The following PEAK1 variants were observed in gnomAD, a reference collection of about 807,000 sequenced individuals.
PEAK1 encodes the protein inactive tyrosine-protein kinase PEAK1.
A neutral mutation model predicts 124.7 loss-of-function variants in PEAK1; 54 were observed. The observed-to-expected ratio is 0.43, with a 90% CI of 0.35 to 0.54. The LOEUF (loss-of-function observed/expected upper bound fraction) is 0.54. PEAK1 is among the 20% of genes least tolerant of loss of function. The pLI is 0.01. For synonymous variants in PEAK1, 719 were observed against 760.0 expected (o/e 0.95, Z 0.89); for missense variants, 2,046 against 2,134.5 (o/e 0.96, Z 0.82).
At chr15:77,269,107 A>G (rs367671718) in intron 5 of PEAK1, among the ~76,000 whole-genome samples, 72 of 141,080 alleles carry the variant, frequency 5.1e-4, no homozygotes, top group African/African-American at 1.8e-3. Flanking sequence ...CAACACAATG[A>G]AAAAAAAAAA....
intron 6 of PEAK1, among the ~76,000 whole-genome samples, chr15:77,182,987 T>C (rs867882933): frequency 6.6e-6 from 1 of 151,442 alleles, no homozygotes; most frequent in Non-Finnish European, 1.5e-5. Context: ...AGAATCTATA[T>C]GAGCAAAACT....
At chr15:77,231,413 T>C (rs573454495) in intron 6 of PEAK1, among the ~76,000 whole-genome samples, 32 of 152,226 alleles carry the variant, frequency 2.1e-4, no homozygotes, top group African/African-American at 1.9e-4. Context: ...CAGGTGCAAA[T>C]TGAATTTAAT....
chr15:77,265,699 G>C (rs1038646839), intron 5 of PEAK1, among the ~76,000 whole-genome samples: 1 of 151,904 alleles, frequency 6.6e-6, no homozygotes, highest in Admixed American at 6.6e-5. Context: ...TCAGTGTGGC[G>C]ATTCCTCAGG....
intron 1 of PEAK1, among the ~76,000 whole-genome samples, chr15:77,369,502 C>T (rs1450604577): frequency 2.0e-5 from 3 of 152,124 alleles, no homozygotes; most frequent in Non-Finnish European, 2.9e-5. Context: ...AAACTATAGC[C>T]TAAGAGCCAA....
chr15:77,188,995 GT>G (rs1567092499), intron 6 of PEAK1, among the ~76,000 whole-genome samples: 1 of 152,118 alleles, frequency 6.6e-6, no homozygotes, highest in Non-Finnish European at 1.5e-5. Context: ...GAAGTCAGGA[GT>G]TTGAGACCAG....
chr15:77,174,410 T>C (rs913553199), intron 7 of PEAK1, among the ~76,000 whole-genome samples: 1 of 152,236 alleles, frequency 6.6e-6, no homozygotes, highest in African/African-American at 2.4e-5. Context: ...ATGATCACAC[T>C]GCCATCAAGC....
At chr15:77,280,022 T>C (rs998126491) in intron 5 of PEAK1, among the ~76,000 whole-genome samples, 1 of 152,238 alleles carries the variant, frequency 6.6e-6, no homozygotes, top group African/African-American at 2.4e-5. Flanking sequence ...TCCGAACATG[T>C]GTTAAAGCTC....
chr15:77,125,399 G>T (rs1426491670), intron 9 of PEAK1, among the ~76,000 whole-genome samples: 1 of 152,118 alleles, frequency 6.6e-6, no homozygotes, highest in Non-Finnish European at 1.5e-5. Flanking sequence ...ATACATAGGA[G>T]CTTTCTAAGT....
chr15:77,192,886 A>G (rs948353811), intron 6 of PEAK1, among the ~76,000 whole-genome samples: 2 of 152,228 alleles, frequency 1.3e-5, no homozygotes, highest in African/African-American at 4.8e-5. Context: ...GAAAATAAAA[A>G]TATGCAAAAA....
intron 1 of PEAK1, among the ~76,000 whole-genome samples, chr15:77,392,283 G>T (rs2070531537): frequency 6.6e-6 from 1 of 152,330 alleles, no homozygotes; most frequent in Admixed American, 6.5e-5. Flanking sequence ...CACTCTGAAT[G>T]GTGTGGCCAA....
At chr15:77,287,079 A>C (rs1300250421) in intron 2 of PEAK1, among the ~76,000 whole-genome samples, 10 of 152,206 alleles carry the variant, frequency 6.6e-5, no homozygotes. Flanking sequence ...GAGTTTCTAA[A>C]AATGAACAGA....
At chr15:77,385,115 A>G (rs1305726115) in intron 1 of PEAK1, among the ~76,000 whole-genome samples, 1 of 152,132 alleles carries the variant, frequency 6.6e-6, no homozygotes, top group Non-Finnish European at 1.5e-5. Flanking sequence ...TGAACCTAAA[A>G]TCTTCTCAGA....
chr15:77,120,871 G>A (rs539942996), intron 9 of PEAK1, among the ~76,000 whole-genome samples: 2 of 152,246 alleles, frequency 1.3e-5, no homozygotes, highest in African/African-American at 4.8e-5. Flanking sequence ...CCCTCCAGGT[G>A]TTCTCTCAGT....
At chr15:77,355,327 C>G (rs2067451441) in intron 2 of PEAK1, among the ~76,000 whole-genome samples, 1 of 152,076 alleles carries the variant, frequency 6.6e-6, no homozygotes, top group South Asian at 2.1e-4. Flanking sequence ...CATTTTAATA[C>G]TATTATACAT....
chr15:77,322,104 A>C, intron 2 of PEAK1, among the ~76,000 whole-genome samples: 1 of 152,232 alleles, frequency 6.6e-6, no homozygotes, highest in Non-Finnish European at 1.5e-5. Context: ...ACAACATACC[A>C]GAATCTCTGG....
intron 5 of PEAK1, among the ~76,000 whole-genome samples, chr15:77,282,935 A>C (rs1331150040): frequency 2.0e-5 from 3 of 152,164 alleles, no homozygotes; most frequent in Admixed American, 1.3e-4. Context: ...TGTAAAAAAA[A>C]CCTTTGCATA....
chr15:77,326,842 T>C (rs2065608472), intron 2 of PEAK1, among the ~76,000 whole-genome samples: 1 of 152,140 alleles, frequency 6.6e-6, no homozygotes, highest in Non-Finnish European at 1.5e-5. Context: ...GAGCTCGTGC[T>C]ATAGGCAGGC....
At chr15:77,359,330 C>A (rs973180609) in intron 2 of PEAK1, among the ~76,000 whole-genome samples, 4 of 151,890 alleles carry the variant, frequency 2.6e-5, no homozygotes, top group African/African-American at 7.3e-5. Context: ...GTCCCAGCTA[C>A]TTGAGGGGCA....
At chr15:77,125,291 T>C (rs2052278509) in intron 9 of PEAK1, among the ~76,000 whole-genome samples, 1 of 152,156 alleles carries the variant, frequency 6.6e-6, no homozygotes, top group Non-Finnish European at 1.5e-5. Flanking sequence ...TATACAACTG[T>C]CTCATGATAA....
Sources: gnomAD v4.1 joint callset for allele counts (sites outside exome capture counted in the v4.1 genomes callset) on GRCh38, gnomAD v4.1.1 for gene constraint, MANE v1.5 for transcripts, NCBI Gene and HGNC (gene_info 2026-07-23, HGNC 2026-07-21) for gene names.